Variants in L3MBTL4 observed in about 807,000 individuals in gnomAD.
L3MBTL4 encodes lethal(3)malignant brain tumor-like protein 4.
In L3MBTL4, 70 loss-of-function variants were observed where a neutral mutation model predicts 84.5. The ratio of observed to expected loss-of-function variants is 0.83; its 90% CI spans 0.68 to 1.01. L3MBTL4 has a LOEUF of 1.01. Among genes scored for constraint, L3MBTL4 ranks in the 50% least tolerant of loss-of-function variants. L3MBTL4 has a pLI of 0.00. For missense variants in L3MBTL4, 715 were observed against 754.8 expected (o/e 0.95, Z 0.62); for synonymous variants, 274 against 259.8 (o/e 1.05, Z -0.52).
chr18:6,331,224 G>A (rs1313280265), intron 1 of L3MBTL4, among the ~76,000 whole-genome samples: 1 of 152,140 alleles, frequency 6.6e-6, no homozygotes, highest in Non-Finnish European at 1.5e-5. Context: ...TCATCCAAAA[G>A]GTTGTCCTAT....
chr18:6,275,904 G>C (rs886524862), intron 4 of L3MBTL4, among the ~76,000 whole-genome samples: 8 of 152,224 alleles, frequency 5.3e-5, no homozygotes, highest in African/African-American at 1.9e-4. Flanking sequence ...GCTGGGAACT[G>C]CTTAGGGCAA....
At chr18:6,122,301 G>C (rs1264262092) in intron 14 of L3MBTL4, among the ~76,000 whole-genome samples, 2 of 152,240 alleles carry the variant, frequency 1.3e-5, no homozygotes, top group South Asian at 4.1e-4. Flanking sequence ...CCAATTGTCT[G>C]CACTACAAGT....
intron 4 of L3MBTL4, among the ~76,000 whole-genome samples, chr18:6,278,865 A>T (rs1308653160): frequency 7.7e-6 from 1 of 129,974 alleles, no homozygotes; most frequent in Non-Finnish European, 1.6e-5. Context: ...GCTTTTACTT[A>T]AAAAAAAAAA....
chr18:6,144,196 C>CAAAAAAAAAAAAAAAAAAAAAAAAAAA (rs35746580), intron 13 of L3MBTL4, among the ~76,000 whole-genome samples: 2 of 58,082 alleles, frequency 3.4e-5, no homozygotes, highest in African/African-American at 1.2e-4. Flanking sequence ...ACTCCATCTC[C>CAAAAAAAAAAAAAAAAAAAAAAAAAAA]AAAAAAAAAA....
chr18:6,016,102 A>G (rs1004182604), intron 16 of L3MBTL4, among the ~76,000 whole-genome samples: 5 of 152,216 alleles, frequency 3.3e-5, no homozygotes, highest in African/African-American at 1.2e-4. Flanking sequence ...AGACAGAGCA[A>G]GGGAAATACT....
chr18:6,151,811 C>G (rs1418607410), intron 13 of L3MBTL4, among the ~76,000 whole-genome samples: 1 of 152,148 alleles, frequency 6.6e-6, no homozygotes, highest in Non-Finnish European at 1.5e-5. Flanking sequence ...ACATCACCAC[C>G]CATGCTGTAC....
intron 10 of L3MBTL4, among the ~76,000 whole-genome samples, chr18:6,235,764 G>C (rs1323884096): frequency 6.6e-6 from 1 of 152,100 alleles, no homozygotes; most frequent in African/African-American, 2.4e-5. Context: ...GAGAGCTGGT[G>C]GTTGCATAAC....
chr18:6,167,089 A>C (rs2043705652), intron 13 of L3MBTL4, among the ~76,000 whole-genome samples: 1 of 152,242 alleles, frequency 6.6e-6, no homozygotes, highest in African/African-American at 2.4e-5. Flanking sequence ...GAAATGGATA[A>C]ATTCCTGTAC....
intron 12 of L3MBTL4, among the ~76,000 whole-genome samples, chr18:6,180,117 G>A (rs546471294): frequency 6.6e-6 from 1 of 152,154 alleles, no homozygotes; most frequent in South Asian, 2.1e-4. Context: ...CAATATAACT[G>A]ACTAAATGAG....
At chr18:6,110,987 C>T (rs922606378) in intron 14 of L3MBTL4, among the ~76,000 whole-genome samples, 10 of 152,058 alleles carry the variant, frequency 6.6e-5, no homozygotes, top group African/African-American at 2.2e-4. Context: ...CCTCCCACCC[C>T]CCAGGTCCTA....
At chr18:6,015,174 A>T (rs771436692) in intron 16 of L3MBTL4, among the ~76,000 whole-genome samples, 33 of 152,132 alleles carry the variant, frequency 2.2e-4, no homozygotes, top group Non-Finnish European at 4.0e-4. Context: ...ATTCTGCACA[A>T]ACACTGCTAA....
chr18:6,279,680 G>A (rs944534470), intron 4 of L3MBTL4, among the ~76,000 whole-genome samples: 1 of 152,148 alleles, frequency 6.6e-6, no homozygotes, highest in Non-Finnish European at 1.5e-5. Context: ...TTGCATCACT[G>A]AGACTCCATA....
At chr18:6,232,313 A>G (rs1158129308) in intron 10 of L3MBTL4, among the ~76,000 whole-genome samples, 14 of 152,098 alleles carry the variant, frequency 9.2e-5, no homozygotes, top group Admixed American at 6.6e-4. Flanking sequence ...GGATTTTTGC[A>G]TCAGTGTTCC....
chr18:6,143,139 C>T (rs1043854539), intron 13 of L3MBTL4, among the ~76,000 whole-genome samples: 15 of 152,256 alleles, frequency 9.9e-5, no homozygotes, highest in South Asian at 4.1e-4. Flanking sequence ...ACAGAGTGAT[C>T]TTTCAATGAA....
At chr18:6,112,070 T>C (rs1050944511) in intron 14 of L3MBTL4, among the ~76,000 whole-genome samples, 2 of 152,170 alleles carry the variant, frequency 1.3e-5, no homozygotes, top group Admixed American at 1.3e-4. Context: ...ATTCAGTATT[T>C]ATCTTTGCTA....
At chr18:6,313,482 G>A (rs564252322) in intron 1 of L3MBTL4, among the ~76,000 whole-genome samples, 31 of 152,236 alleles carry the variant, frequency 2.0e-4, no homozygotes, top group African/African-American at 7.0e-4. Flanking sequence ...CTTAAGACAG[G>A]CACTTATGTA....
chr18:6,292,709 T>C (rs1408121319), intron 4 of L3MBTL4, among the ~76,000 whole-genome samples: 2 of 152,202 alleles, frequency 1.3e-5, no homozygotes, highest in Non-Finnish European at 2.9e-5. Context: ...AACTGGGTCA[T>C]TCTTGTCATA....
At chr18:6,188,195 C>T (rs1166596199) in intron 12 of L3MBTL4, among the ~76,000 whole-genome samples, 2 of 152,006 alleles carry the variant, frequency 1.3e-5, no homozygotes, top group East Asian at 1.9e-4. Flanking sequence ...ACCAACCCCA[C>T]CAACCTCCAC....
chr18:6,107,428 C>A (rs905070046), intron 14 of L3MBTL4, among the ~76,000 whole-genome samples: 1 of 152,088 alleles, frequency 6.6e-6, no homozygotes, highest in African/African-American at 2.4e-5. Flanking sequence ...CCTCACTGCG[C>A]GGGCTGTGAG....
Sources: gnomAD v4.1 joint callset for allele counts (sites outside exome capture counted in the v4.1 genomes callset) on GRCh38, gnomAD v4.1.1 for gene constraint, MANE v1.5 for transcripts, NCBI Gene and HGNC (gene_info 2026-07-23, HGNC 2026-07-21) for gene names.